Variants in WWOX observed in about 807,000 individuals in gnomAD.
WWOX encodes WW domain containing oxidoreductase, also known as WW domain-containing oxidoreductase.
Under a neutral mutation model 46.2 loss-of-function variants are expected in WWOX, and 69 were observed. The observed-to-expected ratio is 1.49, with a 90% CI of 1.23 to 1.82. The LOEUF is 1.82. Ranked by LOEUF, WWOX falls within the 40% of genes most tolerant of loss-of-function variation. WWOX has a pLI of 0.00. For missense variants in WWOX, 919 were observed against 542.6 expected (o/e 1.69, Z -6.89); for synonymous variants, 359 against 202.6 (o/e 1.77, Z -6.56).
intron 4 of WWOX, among the ~76,000 whole-genome samples, chr16:78,156,426 T>C (rs531517827): frequency 6.6e-6 from 1 of 152,302 alleles, no homozygotes; most frequent in East Asian, 1.9e-4. Flanking sequence ...TTCATTATTA[T>C]AAAGGAAGGA....
chr16:78,329,906 C>T (rs1018256597), intron 5 of WWOX, among the ~76,000 whole-genome samples: 2 of 152,022 alleles, frequency 1.3e-5, no homozygotes, highest in Non-Finnish European at 2.9e-5. Context: ...ACCACCATGA[C>T]CAGCTAATCT....
At chr16:78,388,077 G>C (rs116999448) in intron 6 of WWOX, among the ~76,000 whole-genome samples, 2,940 of 152,262 alleles carry the variant, frequency 0.019, 54 homozygotes, top group Non-Finnish European at 0.024. Flanking sequence ...GTGTCACCCA[G>C]GTTGGAACGT....
At chr16:78,555,469 G>C (rs2044271656) in intron 8 of WWOX, among the ~76,000 whole-genome samples, 1 of 152,002 alleles carries the variant, frequency 6.6e-6, no homozygotes, top group Non-Finnish European at 1.5e-5. Flanking sequence ...TTGCACCTCA[G>C]TGTATTCTTC....
At chr16:78,104,443 G>A (rs1025655829) in intron 1 of WWOX, among the ~76,000 whole-genome samples, 1 of 152,176 alleles carries the variant, frequency 6.6e-6, no homozygotes, top group Non-Finnish European at 1.5e-5. Flanking sequence ...GCTCGAGGCT[G>A]CAGTGGGCTA....
chr16:78,953,493 T>A (rs1411715854), intron 8 of WWOX, among the ~76,000 whole-genome samples: 1 of 152,142 alleles, frequency 6.6e-6, no homozygotes, highest in East Asian at 1.9e-4. Flanking sequence ...AATTGCTGAT[T>A]TATGGCTACA....
intron 6 of WWOX, among the ~76,000 whole-genome samples, chr16:78,395,710 T>C (rs993860214): frequency 1.3e-5 from 2 of 152,300 alleles, no homozygotes; most frequent in African/African-American, 4.8e-5. Context: ...CTGAGGATCA[T>C]AAAGTACTTT....
chr16:78,366,005 C>T lies in WWOX; in HGVS notation c.517-20855C>T, dbSNP rs74027879. Reference sequence around the variant, plus strand: ...GGGCTTGTGATTTGAAGCTTCTTTTCCTAGATTCAGGAAAGTATCACTGGT... The same window carrying T: ...GGGCTTGTGATTTGAAGCTTCTTTTTCTAGATTCAGGAAAGTATCACTGGT... On this transcript the variant is annotated intron_variant, in intron 5 of 8. Transcript: ENST00000566780. Among the ~76,000 whole-genome samples, 802 of 152,264 alleles carry T rather than the reference C, an allele frequency of 5.3e-3. 10 individuals carry two copies. The highest frequency in any genetic ancestry group is 0.017 in the African/African-American group (709 of 41,536).
chr16:78,187,420 G>A (rs1174558216), intron 5 of WWOX, among the ~76,000 whole-genome samples: 7 of 152,280 alleles, frequency 4.6e-5, no homozygotes, highest in Non-Finnish European at 5.9e-5. Flanking sequence ...AGACCAACAT[G>A]GTGAAAACCA....
intron 5 of WWOX, among the ~76,000 whole-genome samples, chr16:78,379,892 T>A (rs774107884): frequency 1.3e-5 from 2 of 152,240 alleles, no homozygotes; most frequent in African/African-American, 2.4e-5. Context: ...GTAAGCATAA[T>A]GTAGGCATGA....
intron 8 of WWOX, chr16:79,017,462 A>AAAT (rs2047440452): frequency 8.0e-6 from 1 of 124,480 alleles, no homozygotes; most frequent in Non-Finnish European, 1.8e-5. Flanking sequence ...AAAAAAAAAA[A>AAAT]GAAAGAAAGA....
At chr16:78,971,831 A>G (rs1041161783) in intron 8 of WWOX, among the ~76,000 whole-genome samples, 9 of 151,854 alleles carry the variant, frequency 5.9e-5, no homozygotes, top group Admixed American at 5.9e-4. Flanking sequence ...AGAGAACACT[A>G]ACAAGAGAAA....
chr16:79,165,004 C>A (rs988154925), intron 8 of WWOX, among the ~76,000 whole-genome samples: 1 of 152,098 alleles, frequency 6.6e-6, no homozygotes, highest in Non-Finnish European at 1.5e-5. Flanking sequence ...ATGTTCCACA[C>A]CCTTATGTAT....
chr16:78,381,336 A>G (rs1029370067), intron 5 of WWOX, among the ~76,000 whole-genome samples: 5 of 152,234 alleles, frequency 3.3e-5, no homozygotes, highest in African/African-American at 1.2e-4. Flanking sequence ...TATATAAAGA[A>G]TAGATGAAGA....
At chr16:79,043,024 T>G (rs2048001687) in intron 8 of WWOX, among the ~76,000 whole-genome samples, 1 of 152,162 alleles carries the variant, frequency 6.6e-6, no homozygotes, top group South Asian at 2.1e-4. Context: ...TGTTCAGTGA[T>G]GTAATGGGAC....
chr16:78,519,913 C>CTA (rs2043313058), intron 8 of WWOX, among the ~76,000 whole-genome samples: 1 of 152,274 alleles, frequency 6.6e-6, no homozygotes, highest in Admixed American at 6.5e-5. Flanking sequence ...CGTGAATGGA[C>CTA]TAAAGGTTTT....
chr16:78,942,283 T>C (rs1310479956), intron 8 of WWOX, among the ~76,000 whole-genome samples: 1 of 152,146 alleles, frequency 6.6e-6, no homozygotes, highest in African/African-American at 2.4e-5. Context: ...TGCCAAGCCA[T>C]CTTGAAGAAT....
intron 8 of WWOX, chr16:79,206,197 T>C (rs1292059030): frequency 6.6e-6 from 1 of 152,208 alleles, no homozygotes; most frequent in Non-Finnish European, 1.5e-5. Flanking sequence ...TTTTAGGCCA[T>C]GTTAGGGCAT....
At chr16:78,137,218 G>A (rs1033540288) in intron 4 of WWOX, among the ~76,000 whole-genome samples, 1 of 152,154 alleles carries the variant, frequency 6.6e-6, no homozygotes, top group African/African-American at 2.4e-5. Flanking sequence ...ATGACGCCTT[G>A]GGAAATAAGA....
chr16:78,858,144 T>TGTGTGTGTGTG (rs2052610709), intron 8 of WWOX, among the ~76,000 whole-genome samples: 3 of 148,540 alleles, frequency 2.0e-5, no homozygotes, highest in Non-Finnish European at 4.4e-5. Context: ...CATTGTGTGT[T>TGTGTGTGTGTG]TGTGTGTGTG....
Sources: gnomAD v4.1 joint callset for allele counts (sites outside exome capture counted in the v4.1 genomes callset) on GRCh38, gnomAD v4.1.1 for gene constraint, MANE v1.5 for transcripts, NCBI Gene and HGNC (gene_info 2026-07-23, HGNC 2026-07-21) for gene names.